The following NALF1 variants were observed in gnomAD, a reference collection of about 807,000 sequenced individuals.
NALF1 encodes family with sequence similarity 155 member A.
NALF1 carries 3 observed loss-of-function variants against 48.4 expected under a neutral mutation model. The observed-to-expected ratio is 0.06, with a 90% confidence interval of 0.03 to 0.16. The LOEUF is 0.16. Among genes scored for constraint, NALF1 ranks in the 10% least tolerant of loss-of-function variants. The pLI, the probability that NALF1 is intolerant of heterozygous loss-of-function variation, is 1.00. For missense variants in NALF1, 526 were observed against 571.5 expected, an observed-to-expected ratio of 0.92 and a Z score of 0.81; for synonymous variants, 262 against 245.7, an observed-to-expected ratio of 1.07 and a Z score of -0.62.
intron 1 of NALF1, among the ~76,000 whole-genome samples, chr13:107,771,160 G>T (rs994934592): frequency 6.6e-6 from 1 of 152,016 alleles, no homozygotes; most frequent in Non-Finnish European, 1.5e-5. Flanking sequence ...TTACCAAAAT[G>T]TAAAATTAAC....
intron 1 of NALF1, among the ~76,000 whole-genome samples, chr13:107,308,244 C>T (rs1240990227): frequency 6.7e-6 from 1 of 148,392 alleles, no homozygotes; most frequent in Non-Finnish European, 1.5e-5. Flanking sequence ...CTCTGTCGCC[C>T]AGGCTGGAGT....
chr13:107,384,893 T>TG (rs1253772207), intron 1 of NALF1, among the ~76,000 whole-genome samples: 4 of 152,276 alleles, frequency 2.6e-5, no homozygotes, highest in Middle Eastern at 6.8e-3. Flanking sequence ...CCATTAAGAT[T>TG]GGGAGTCAGG....
At chr13:107,371,630 T>C (rs1389301365) in intron 1 of NALF1, among the ~76,000 whole-genome samples, 2 of 152,184 alleles carry the variant, frequency 1.3e-5, no homozygotes, top group Non-Finnish European at 2.9e-5. Flanking sequence ...AACAAAGATG[T>C]CTTTTTTAAA....
At position 107,548,943 on chromosome 13, in the gene NALF1, G is replaced by A. The variant is rs150911227; in HGVS notation, c.915+316739C>T. On this transcript the variant is annotated intron_variant, in intron 1 of 2. Coordinates refer to ENST00000375915, the MANE Select transcript of NALF1 (RefSeq NM_001080396.3). ...GTTTCTGGGTGAGAAATGTAATTGTGAAAAGTGCATCTTGGTCAAGAAATA... is the reference window on the plus strand; with the variant it reads ...GTTTCTGGGTGAGAAATGTAATTGTAAAAAGTGCATCTTGGTCAAGAAATA... 2.4e-4 allele frequency among the ~76,000 whole-genome samples: 37 copies of A among 152,200 alleles called. 1 individual carries two copies. In the East Asian group the frequency reaches 7.0e-3, roughly 29 times the overall value.
chr13:107,431,602 T>A (rs984580164), intron 1 of NALF1, among the ~76,000 whole-genome samples: 9 of 152,220 alleles, frequency 5.9e-5, no homozygotes, highest in Admixed American at 3.9e-4. Flanking sequence ...CAGTTAGCTA[T>A]GTTCTTCCTG....
chr13:107,849,176 T>C (rs1169564937), intron 1 of NALF1, among the ~76,000 whole-genome samples: 1 of 152,206 alleles, frequency 6.6e-6, no homozygotes, highest in African/African-American at 2.4e-5. Context: ...TCTCATTTCA[T>C]AATGTGAAAT....
intron 1 of NALF1, among the ~76,000 whole-genome samples, chr13:107,270,382 A>G (rs1374782818): frequency 1.3e-5 from 2 of 152,112 alleles, no homozygotes; most frequent in African/African-American, 4.8e-5. Context: ...ACATTTTAAT[A>G]CATTAAAATA....
At chr13:107,303,264 T>C (rs964990808) in intron 1 of NALF1, among the ~76,000 whole-genome samples, 7 of 152,230 alleles carry the variant, frequency 4.6e-5, no homozygotes, top group Admixed American at 1.3e-4. Context: ...GATTTCTTTA[T>C]ATATTGTGGA....
intron 1 of NALF1, among the ~76,000 whole-genome samples, chr13:107,571,728 T>C (rs569511885): frequency 2.2e-4 from 34 of 152,262 alleles, no homozygotes; most frequent in Admixed American, 2.6e-4. Context: ...GAGCCAATAA[T>C]GTGTGTGGGA....
At chr13:107,830,497 C>A (rs1363398145) in intron 1 of NALF1, among the ~76,000 whole-genome samples, 1 of 152,176 alleles carries the variant, frequency 6.6e-6, no homozygotes, top group East Asian at 1.9e-4. Context: ...AAAATGGTAA[C>A]TCACTGTGGT....
intron 1 of NALF1, among the ~76,000 whole-genome samples, chr13:107,650,883 G>C (rs1386486183): frequency 6.6e-6 from 1 of 151,790 alleles, no homozygotes; most frequent in East Asian, 1.9e-4. Context: ...AACAGCTTAT[G>C]AACACAGAGA....
chr13:107,497,469 G>C (rs1300442879), intron 1 of NALF1, among the ~76,000 whole-genome samples: 1 of 151,966 alleles, frequency 6.6e-6, no homozygotes, highest in Non-Finnish European at 1.5e-5. Context: ...TGGCTATATG[G>C]TCATCTCTAC....
intron 1 of NALF1, among the ~76,000 whole-genome samples, chr13:107,745,300 C>A (rs1876753010): frequency 1.3e-5 from 2 of 152,202 alleles, no homozygotes; most frequent in African/African-American, 4.8e-5. Flanking sequence ...AGTTAAGAAC[C>A]AAGAAGGGGG....
At position 107,330,795 on chromosome 13, in the gene NALF1, T is replaced by C. The variant is rs556235041; in HGVS notation, c.916-120040A>G. Among the ~76,000 whole-genome samples, 5 of 152,326 alleles carry C rather than the reference T, an allele frequency of 3.3e-5. No homozygotes were observed. In the South Asian group the frequency reaches 1.0e-3, roughly 32 times the overall value. On this transcript the variant is annotated intron_variant, in intron 1 of 2. Transcript: ENST00000375915. ...ATCAGTCTAAATTCAAACCCTGTCA[T>C]GAGGAACACCATAGAATGCTCAAAC... is the stretch of plus-strand genomic sequence containing the variant.
chr13:107,270,208 T>G (rs1012185082), intron 1 of NALF1, among the ~76,000 whole-genome samples: 2 of 152,152 alleles, frequency 1.3e-5, no homozygotes, highest in Non-Finnish European at 2.9e-5. Flanking sequence ...TATTGAAAAT[T>G]TATTTTCTAT....
chr13:107,495,622 T>C (rs1420781993), intron 1 of NALF1, among the ~76,000 whole-genome samples: 1 of 152,078 alleles, frequency 6.6e-6, no homozygotes, highest in Non-Finnish European at 1.5e-5. Context: ...GGTGTTGAGG[T>C]TTTCATAATT....
At chr13:107,466,725 A>C (rs1488703720) in intron 1 of NALF1, 3 of 152,228 alleles carry the variant, frequency 2.0e-5, no homozygotes, top group Admixed American at 6.5e-5. Context: ...ATAATTCAGA[A>C]GCACATTTCT....
At chr13:107,366,005 G>A (rs2138959715) in intron 1 of NALF1, among the ~76,000 whole-genome samples, 1 of 152,286 alleles carries the variant, frequency 6.6e-6, no homozygotes. Context: ...TTCCCTGTGT[G>A]CTAAAAGCAA....
At chr13:107,364,945 CCCT>C (rs1426576739) in intron 1 of NALF1, among the ~76,000 whole-genome samples, 3 of 97,590 alleles carry the variant, frequency 3.1e-5, no homozygotes, top group African/African-American at 7.9e-5. Flanking sequence ...CTCCCACTCC[CCCT>C]CCTCATTTTC....
Sources: allele counts gnomAD v4.1 joint callset (sites outside exome capture counted in the v4.1 genomes callset), GRCh38; gene constraint gnomAD v4.1.1; transcripts MANE v1.5; gene names NCBI Gene and HGNC (gene_info 2026-07-23, HGNC 2026-07-21).